SOX30: variants seen among roughly 807,000 people sequenced by gnomAD.
SOX30 encodes transcription factor SOX-30.
A neutral mutation model predicts 58.6 loss-of-function variants in SOX30; 17 were observed. The ratio of observed to expected loss-of-function variants is 0.29; its 90% CI spans 0.20 to 0.44. The LOEUF is 0.44. SOX30 is among the 20% of genes least tolerant of loss of function. The pLI, the probability that SOX30 is intolerant of heterozygous loss-of-function variation, is 1.00. For missense variants in SOX30, 951 were observed against 965.8 expected, an observed-to-expected ratio of 0.98 and a Z score of 0.20; for synonymous variants, 421 against 400.2, an observed-to-expected ratio of 1.05 and a Z score of -0.62.
At position 157,651,268 on chromosome 5, in the gene SOX30, C is replaced by G. The variant is rs1344859282; in HGVS notation, c.811G>C (p.Ala271Pro). ...GGAGCTCCCTGAAACTGGATCCGGG[C>G]CCCAGGGGGGACCGTGTGGAGCGTC... ...PLTLHTVPPG[A>P]RIQFQGAPPS... Residue 271 changes from alanine to proline, a missense_variant, in exon 1 of 5, where the codon GCC (alanine) becomes CCC (proline). Around this residue, in one of 7 missense-constraint regions of SOX30, gnomAD observed 84 missense variants for 68.2 expected, o/e 1.23. Transcript: ENST00000265007. 1.2e-6 allele frequency: 2 copies of G among 1,614,138 alleles called. No individual in the cohort carries two copies. Among genetic ancestry groups the G allele is most frequent in the Non-Finnish European group, 8.5e-7 (1 of 1,180,026 alleles).
At chr5:157,644,327 A>C (rs1759139616) in intron 3 of SOX30, among the ~76,000 whole-genome samples, 1 of 152,164 alleles carries the variant, frequency 6.6e-6, no homozygotes, top group African/African-American at 2.4e-5. Flanking sequence ...ATATTGTAAA[A>C]AACAAAACAA....
chr5:157,638,175 G>GTT (rs1758974423), intron 4 of SOX30, 55 bp downstream of exon 4: 1 of 1,469,866 alleles, frequency 6.8e-7, no homozygotes. Flanking sequence ...TGTTGTCACA[G>GTT]GTAAAAACTC....
rs61732990 is a variant in SOX30 at position 157,651,433 on chromosome 5, C to T, written c.646G>A (p.Glu216Lys). 2,023 of 1,613,506 alleles carry T rather than the reference C, an allele frequency of 1.3e-3. 19 individuals carry two copies. In the African/African-American group the frequency reaches 0.023, roughly 18 times the overall value. ...AIREGVIKTE[E>K]PERLLEDCRL... Reference sequence around the variant, plus strand: ...CAGTCCTCGAGGAGTCTCTCGGGTTCCTCCGTTTTGATCACACCTTCTCGG... The same window carrying T: ...CAGTCCTCGAGGAGTCTCTCGGGTTTCTCCGTTTTGATCACACCTTCTCGG... The change falls in exon 1 of 5, where the codon GAA becomes AAA. Residue 216 changes from glutamate to lysine, a missense_variant. Physicochemically the swap from Glu to Lys is moderately conservative, Grantham distance 56. Transcript: ENST00000265007.
At position 157,651,926 on chromosome 5, in the gene SOX30, C is replaced by G. The variant is rs1187054227; in HGVS notation, c.153G>C (p.Leu51Phe). Residue 51 changes from leucine to phenylalanine, a missense_variant, in exon 1 of 5, where the codon TTG (leucine) becomes TTC (phenylalanine). Around this residue, in one of 7 missense-constraint regions of SOX30, gnomAD observed 363 missense variants for 294.5 expected, o/e 1.23. Coordinates refer to ENST00000265007, the MANE Select transcript of SOX30 (RefSeq NM_178424.2). ...PTLSAAASATLASSCGEAVAS... is the reference protein window; with the variant it reads ...PTLSAAASATFASSCGEAVAS... ...CCACTGCCTCCCCGCACGACGAGGC[C>G]AAGGTCGCACTGGCTGCCGCGCTCA... 1.0e-5 allele frequency: 15 copies of G among 1,503,200 alleles called. No homozygotes were observed. Among genetic ancestry groups the G allele is most frequent in the Non-Finnish European group, 1.2e-5 (14 of 1,130,744 alleles). 93.1% of individuals were successfully genotyped at this position (1,503,200 alleles called of 1,614,324 possible). A position where few individuals can be genotyped will look rare whatever the true frequency, so the allele number is the denominator to read the frequency against.
exon 1 of SOX30, chr5:157,671,431 A>C: frequency 1.7e-6 from 1 of 591,122 alleles, no homozygotes; most frequent in Non-Finnish European, 3.0e-6. Flanking sequence ...TGGCCGCCGG[A>C]CTCTGCACGC....
upstream of SOX30, among the ~76,000 whole-genome samples, chr5:157,652,598 G>T (rs1367200389): frequency 6.6e-6 from 1 of 152,228 alleles, no homozygotes; most frequent in East Asian, 1.9e-4. Flanking sequence ...TGCCAAGGGA[G>T]AATGGGGAAG....
chr5:157,634,106 C>T (rs2113835590), intron 4 of SOX30, among the ~76,000 whole-genome samples: 1 of 152,336 alleles, frequency 6.6e-6, no homozygotes, highest in East Asian at 1.9e-4. Context: ...GGGAGCAGCA[C>T]TTCTGAGTGT....
rs185836157 is a variant in SOX30 at position 157,670,787 on chromosome 5, A to G, written c.-4+543T>C. Among the ~76,000 whole-genome samples the G allele has an allele frequency of 1.6e-3, 249 of 152,330 alleles. 2 individuals are homozygous for G. The highest frequency in any genetic ancestry group is 5.7e-3 in the African/African-American group (238 of 41,572). On this transcript the variant is annotated intron_variant, in intron 1 of 5. Transcript: ENST00000519442. Reference sequence around the variant, plus strand: ...ATATTTCCATTTTACACAAGAGGGAAGTGAGACCCAGTGGGAAAAATGACT... The same window carrying G: ...ATATTTCCATTTTACACAAGAGGGAGGTGAGACCCAGTGGGAAAAATGACT...
chr5:157,632,506 C>T (rs550833643), intron 4 of SOX30, among the ~76,000 whole-genome samples: 4 of 152,132 alleles, frequency 2.6e-5, no homozygotes, highest in East Asian at 1.9e-4. Context: ...CCCAGCTACT[C>T]GGGAGGCTGA....
intron 4 of SOX30, among the ~76,000 whole-genome samples, chr5:157,633,717 C>T (rs1488068848): frequency 1.3e-5 from 2 of 152,116 alleles, no homozygotes; most frequent in African/African-American, 4.8e-5. Context: ...GATTCATTTG[C>T]CTAAAATTTT....
rs1758731049 is a variant in SOX30 at position 157,629,215 on chromosome 5, T to TGA, written c.1881-2496_1881-2495dup. Among the ~76,000 whole-genome samples the TGA allele has an allele frequency of 2.0e-5, 3 of 152,278 alleles. No individual in the cohort carries two copies. The South Asian group carries it at 6.2e-4, about 32-fold the overall frequency. On this transcript the variant is annotated intron_variant, in intron 4 of 4. Transcript: ENST00000265007. ...AAGGTGACAGATAACCCAAATACCC[T>TGA]GACTTGATCATTACACATTTTATAC...
intron 1 of SOX30, 44 bp downstream of exon 1, chr5:157,651,066 AAC>A: frequency 7.2e-7 from 1 of 1,387,798 alleles, no homozygotes; most frequent in Non-Finnish European, 9.8e-7. Flanking sequence ...AGCTATGGGC[AAC>A]ACAGACGCAG....
intron 2 of SOX30, among the ~76,000 whole-genome samples, chr5:157,664,320 C>A (rs1245877297): frequency 1.3e-5 from 2 of 152,120 alleles, no homozygotes; most frequent in Non-Finnish European, 2.9e-5. Flanking sequence ...CTTTGATAAA[C>A]CTGACAAAAA....
At position 157,651,741 on chromosome 5, in the gene SOX30, G is replaced by A; in HGVS notation, c.338C>T (p.Pro113Leu). Reference sequence around the variant, plus strand: ...GGAGGTGGCGCCGTCTGACGCTGTCGGCGGCTGCAGGAGCCGCAGGTCGGG... The same window carrying A: ...GGAGGTGGCGCCGTCTGACGCTGTCAGCGGCTGCAGGAGCCGCAGGTCGGG... ...FRPDLRLLQP[P>L]TASDGATSRP... Residue 113 changes from proline (P) to leucine (L), a missense_variant, in exon 1 of 5, where the codon CCG becomes CTG. Pro to Leu is a moderately conservative substitution (Grantham distance 98, BLOSUM62 -3). Around this residue, in one of 7 missense-constraint regions of SOX30, gnomAD observed 363 missense variants for 294.5 expected, o/e 1.23. Transcript: ENST00000265007. The A allele has an allele frequency of 1.9e-6, 3 of 1,558,918 alleles. No homozygotes were observed. The highest frequency in any genetic ancestry group is 2.6e-6 in the Non-Finnish European group (3 of 1,154,954).
At chr5:157,630,943 CTATA>C (rs1330678609) in intron 4 of SOX30, among the ~76,000 whole-genome samples, 6 of 117,164 alleles carry the variant, frequency 5.1e-5, no homozygotes, top group Middle Eastern at 5.1e-3. Flanking sequence ...TATATATATA[CTATA>C]TATATTGTAT....
chr5:157,630,684 G>A (rs914908964), intron 4 of SOX30, among the ~76,000 whole-genome samples: 2 of 151,222 alleles, frequency 1.3e-5, no homozygotes, highest in Non-Finnish European at 2.9e-5. Flanking sequence ...ACTTAGCCAG[G>A]CTATTTTCAG....
intron 3 of SOX30, among the ~76,000 whole-genome samples, chr5:157,640,266 C>T (rs746053966): frequency 3.3e-5 from 5 of 152,010 alleles, no homozygotes; most frequent in Non-Finnish European, 7.4e-5. Context: ...CTAGCCAGAA[C>T]CTGGTTAATA....
At chr5:157,649,704 C>G (rs1399509780) in intron 1 of SOX30, among the ~76,000 whole-genome samples, 4 of 152,066 alleles carry the variant, frequency 2.6e-5, no homozygotes, top group African/African-American at 9.7e-5. Flanking sequence ...GCAGGAGAAT[C>G]GCTTGAACCC....
At chr5:157,645,884 A>G (rs983318376) in intron 3 of SOX30, among the ~76,000 whole-genome samples, 12 of 151,914 alleles carry the variant, frequency 7.9e-5, no homozygotes, top group South Asian at 2.1e-4. Flanking sequence ...GCCGGGTGTG[A>G]TGGTGCATCC....
Sources: allele counts gnomAD v4.1 joint callset (sites outside exome capture counted in the v4.1 genomes callset), GRCh38; gene constraint gnomAD v4.1.1; regional missense constraint gnomAD v4.1.1; transcripts MANE v1.5; gene names NCBI Gene and HGNC (gene_info 2026-07-23, HGNC 2026-07-21).